The following MAP4K3 variants were observed in gnomAD, a reference collection of about 807,000 sequenced individuals.
MAP4K3 encodes mitogen-activated protein kinase kinase kinase kinase 3, also known as MAPK/ERK kinase kinase kinase 3.
In MAP4K3, 94 loss-of-function variants were observed where a neutral mutation model predicts 143.5. The ratio of observed to expected loss-of-function variants is 0.65; its 90% CI spans 0.55 to 0.78. MAP4K3 has a LOEUF of 0.78. Among genes scored for constraint, MAP4K3 ranks in the 30% least tolerant of loss-of-function variants. MAP4K3 has a pLI of 0.00. For missense variants in MAP4K3, 1,077 were observed against 1,068.1 expected (o/e 1.01, Z -0.12); for synonymous variants, 416 against 347.2 (o/e 1.20, Z -2.20).
intron 1 of MAP4K3, among the ~76,000 whole-genome samples, chr2:39,427,323 AAAAG>A (rs767433063): frequency 6.6e-6 from 1 of 152,082 alleles, no homozygotes; most frequent in Non-Finnish European, 1.5e-5. Flanking sequence ...AAGAAAAGTT[AAAAG>A]AAAGAAAAAA....
At chr2:39,407,136 T>C (rs895796190) in intron 1 of MAP4K3, among the ~76,000 whole-genome samples, 20 of 152,126 alleles carry the variant, frequency 1.3e-4, no homozygotes, top group African/African-American at 4.3e-4. Flanking sequence ...ATTGGTCATC[T>C]CCACAGAATA....
At chr2:39,337,761 T>TTTG (rs1478993862) in intron 4 of MAP4K3, among the ~76,000 whole-genome samples, 180 bp from the exon 5 acceptor site, 3 of 132,476 alleles carry the variant, frequency 2.3e-5, no homozygotes, top group East Asian at 2.2e-4. Flanking sequence ...AGTTTTTTTT[T>TTTG]TTTTTTTTTT....
At position 39,320,469 on chromosome 2, in the gene MAP4K3, G is replaced by A. The variant is rs895329589; in HGVS notation, c.918+5049C>T. ...AATAATGGAACACTAGGCTAAATGG[G>A]TTAATGATTTATGGTACTTTTTCTT... On this transcript the variant is annotated intron_variant, in intron 12 of 33. Transcript: ENST00000263881. 4.6e-5 allele frequency among the ~76,000 whole-genome samples: 7 copies of A among 151,960 alleles called. No homozygotes were observed. In the East Asian group the frequency reaches 9.7e-4, roughly 21 times the overall value.
chr2:39,254,432 T>C lies in MAP4K3; in HGVS notation c.2541+18A>G, dbSNP rs764954345. The C allele has an allele frequency of 9.4e-6, 15 of 1,597,636 alleles. No individual in the cohort carries two copies. Among genetic ancestry groups the C allele is most frequent in the South Asian group, 4.4e-5 (4 of 90,662 alleles). ...TTGATAATGTCTTGTGACTACTTAATGGACATAATTTACTTACCTCATTAG... is the reference window on the plus strand; with the variant it reads ...TTGATAATGTCTTGTGACTACTTAACGGACATAATTTACTTACCTCATTAG... On this transcript the variant is annotated intron_variant, in intron 32 of 33. Transcript: ENST00000263881.
chr2:39,278,502 T>A lies in MAP4K3; in HGVS notation c.1715-16A>T. The A allele has an allele frequency of 7.2e-7, 1 of 1,392,320 alleles. No homozygotes were observed. The highest frequency in any genetic ancestry group is 1.0e-6 in the Non-Finnish European group (1 of 1,002,382). 86.2% of individuals were successfully genotyped at this position (1,392,320 alleles called of 1,614,324 possible). ...AAGTACTGATCTGAAATAAAAGTAA[T>A]TCACTGACTGATTTTGGTAAATAAA... On this transcript the variant is annotated splice_polypyrimidine_tract_variant and intron_variant, in intron 23 of 33. Coordinates refer to ENST00000263881, the MANE Select transcript of MAP4K3 (RefSeq NM_003618.4).
intron 16 of MAP4K3, among the ~76,000 whole-genome samples, chr2:39,298,186 T>G (rs1193893642): frequency 2.0e-5 from 3 of 152,146 alleles, no homozygotes; most frequent in Non-Finnish European, 4.4e-5. Flanking sequence ...AAAAATTTTT[T>G]TTATTTGCGA....
intron 1 of MAP4K3, among the ~76,000 whole-genome samples, chr2:39,428,396 C>T (rs998476498): frequency 3.3e-5 from 5 of 152,296 alleles, no homozygotes; most frequent in Admixed American, 6.5e-5. Flanking sequence ...TCTTTGGGGC[C>T]GGCACAGTGG....
At chr2:39,427,849 T>C (rs567764042) in intron 1 of MAP4K3, among the ~76,000 whole-genome samples, 2 of 152,212 alleles carry the variant, frequency 1.3e-5, no homozygotes, top group African/African-American at 4.8e-5. Context: ...TTTATCTGTA[T>C]CTTATATATG....
intron 24 of MAP4K3, among the ~76,000 whole-genome samples, chr2:39,278,152 C>A (rs1342158620): frequency 6.6e-6 from 1 of 151,660 alleles, no homozygotes; most frequent in African/African-American, 2.4e-5. Context: ...CGTGGTGGTG[C>A]GTGCCTCTAC....
At chr2:39,270,968 A>C (rs916184839) in intron 26 of MAP4K3, among the ~76,000 whole-genome samples, 1 of 152,152 alleles carries the variant, frequency 6.6e-6, no homozygotes, top group African/African-American at 2.4e-5. Context: ...ACTATTAAAA[A>C]AACTAAAGAT....
At chr2:39,412,643 C>T (rs1328047070) in intron 1 of MAP4K3, among the ~76,000 whole-genome samples, 2 of 152,166 alleles carry the variant, frequency 1.3e-5, no homozygotes, top group Non-Finnish European at 2.9e-5. Context: ...CCTAAATTTA[C>T]ATGACAATGA....
chr2:39,264,377 G>A (rs1271560305), intron 28 of MAP4K3, among the ~76,000 whole-genome samples: 1 of 152,122 alleles, frequency 6.6e-6, no homozygotes, highest in Admixed American at 6.5e-5. Context: ...ATTTTCATCT[G>A]TTTAGCCCTA....
chr2:39,253,451 C>T (rs6749980), intron 32 of MAP4K3, among the ~76,000 whole-genome samples: 11,549 of 152,172 alleles, frequency 0.076, 1,495 homozygotes, highest in African/African-American at 0.26. Context: ...CTTTTAAACA[C>T]TTACTATAGG....
At chr2:39,410,916 C>T (rs1381206563) in intron 1 of MAP4K3, among the ~76,000 whole-genome samples, 2 of 152,144 alleles carry the variant, frequency 1.3e-5, no homozygotes, top group Non-Finnish European at 2.9e-5. Context: ...TTCAAAGAAA[C>T]ATATCTTCAC....
chr2:39,435,453 C>T (rs1042400904), intron 1 of MAP4K3, among the ~76,000 whole-genome samples: 1 of 152,142 alleles, frequency 6.6e-6, no homozygotes, highest in African/African-American at 2.4e-5. Context: ...TCATGCTCCC[C>T]TATCTGGCGT....
At chr2:39,353,150 G>C (rs578157170) in intron 3 of MAP4K3, among the ~76,000 whole-genome samples, 10 of 152,288 alleles carry the variant, frequency 6.6e-5, no homozygotes, top group African/African-American at 2.4e-4. Flanking sequence ...ACGTTGGATA[G>C]ACTAAGTAAG....
In MAP4K3 at chr2:39,369,412, G is replaced by A. The variant is rs910419835; in HGVS notation, c.154+8654C>T. 2.6e-5 allele frequency among the ~76,000 whole-genome samples: 4 copies of A among 152,046 alleles called. No individual in the cohort carries two copies. In the East Asian group the frequency reaches 5.8e-4, roughly 22 times the overall value. On this transcript the variant is annotated intron_variant, in intron 2 of 33. Transcript: ENST00000263881. ...TCTGCCCGCCTCGGCCTCCCAAAGT[G>A]CTGGGATTACAGGCGTGAGCTACTG...
Position 39,293,272 on chromosome 2 carries a change from A to G in MAP4K3, c.1179-4T>C. The G allele has an allele frequency of 6.6e-7, 1 of 1,524,288 alleles. No homozygotes were observed. Among genetic ancestry groups the G allele is most frequent in the Non-Finnish European group, 8.9e-7 (1 of 1,127,658 alleles). 94.4% of individuals were successfully genotyped at this position (1,524,288 alleles called of 1,614,324 possible). ...TTCAACAGACTTGAGAAGACTCCTT[A>G]AAAGAAAAAACAAAAACAAAAAATA... On this transcript the variant is annotated splice_polypyrimidine_tract_variant and splice_region_variant and intron_variant, in intron 16 of 33. Transcript: ENST00000263881.
chr2:39,383,375 A>G (rs11886110), intron 1 of MAP4K3, among the ~76,000 whole-genome samples: 9,592 of 151,686 alleles, frequency 0.063, 389 homozygotes, highest in Middle Eastern at 0.11. Context: ...AGAACTCACT[A>G]TCATGAGAAG....
Sources: gnomAD v4.1 joint callset for allele counts (sites outside exome capture counted in the v4.1 genomes callset) on GRCh38, gnomAD v4.1.1 for gene constraint, MANE v1.5 for transcripts, NCBI Gene and HGNC (gene_info 2026-07-23, HGNC 2026-07-21) for gene names.